The following GPC3 variants were observed in gnomAD, a reference collection of about 807,000 sequenced individuals.
GPC3 encodes the protein glypican 3, also known as glypican-3.
Under a neutral mutation model 34.4 loss-of-function variants are expected in GPC3, and 3 were observed. That is an observed-to-expected ratio of 0.09 (90% CI 0.04 to 0.23). The LOEUF is 0.23. Among genes scored for constraint, GPC3 ranks in the 10% least tolerant of loss-of-function variants. The pLI, the probability that GPC3 is intolerant of heterozygous loss-of-function variation, is 1.00. For missense variants in GPC3, 351 were observed against 445.6 expected, an observed-to-expected ratio of 0.79 and a Z score of 1.91; for synonymous variants, 177 against 174.0, an observed-to-expected ratio of 1.02 and a Z score of -0.13.
At chrX:133,957,952 G>A (rs1384074896) in intron 1 of GPC3, among the ~76,000 whole-genome samples, 1 of 111,257 alleles carries the variant, frequency 9.0e-6, no homozygotes. Context: ...CTATTCAAAT[G>A]AGCCAGAAAG....
chrX:133,672,983 C>A (rs1283334148), intron 5 of GPC3, among the ~76,000 whole-genome samples: 3 of 103,721 alleles, frequency 2.9e-5, no homozygotes, highest in Non-Finnish European at 5.8e-5. Flanking sequence ...GCTCTGTTGC[C>A]CAGGCTGGAG....
intron 2 of GPC3, among the ~76,000 whole-genome samples, chrX:133,867,178 A>T (rs1395107681): frequency 9.1e-6 from 1 of 109,389 alleles, no homozygotes; most frequent in East Asian, 2.9e-4. Context: ...AGCCTGGGTG[A>T]CAGAGCCAGA....
At chrX:133,635,236 A>G (rs1471600847) in intron 6 of GPC3, among the ~76,000 whole-genome samples, 1 of 111,509 alleles carries the variant, frequency 9.0e-6, no homozygotes, top group Non-Finnish European at 1.9e-5. Flanking sequence ...TAACTCTTTT[A>G]CCTATGCAAA....
chrX:133,678,234 G>T (rs1411631119), intron 5 of GPC3, among the ~76,000 whole-genome samples: 1 of 112,010 alleles, frequency 8.9e-6, no homozygotes, highest in East Asian at 2.8e-4. Flanking sequence ...TCCATAGAAT[G>T]GTTAGTTATT....
At chrX:133,649,405 C>G (rs12862989) in intron 6 of GPC3, among the ~76,000 whole-genome samples, 12,668 of 110,244 alleles carry the variant, frequency 0.11, 741 homozygotes, top group Non-Finnish European at 0.18. Context: ...GACCATTAGA[C>G]CAAGTAAAAG....
chrX:133,585,397 A>G (rs1406744309), intron 7 of GPC3, among the ~76,000 whole-genome samples: 1 of 110,906 alleles, frequency 9.0e-6, no homozygotes, highest in Non-Finnish European at 1.9e-5. Context: ...TGCAGCCACT[A>G]GGACTATCCA....
chrX:133,751,136 G>A (rs1233933307), intron 3 of GPC3, among the ~76,000 whole-genome samples: 1 of 108,314 alleles, frequency 9.2e-6, no homozygotes, highest in African/African-American at 3.3e-5. Context: ...AGCACCACAG[G>A]AGGATACTTG....
At chrX:133,666,304 C>A (rs1289008368) in intron 5 of GPC3, among the ~76,000 whole-genome samples, 1 of 112,119 alleles carries the variant, frequency 8.9e-6, no homozygotes, top group Non-Finnish European at 1.9e-5. Context: ...TAGAAGCTTG[C>A]CAAACTTTTT....
At chrX:133,956,300 T>C (rs1490516693) in intron 1 of GPC3, among the ~76,000 whole-genome samples, 2 of 112,616 alleles carry the variant, frequency 1.8e-5, no homozygotes, top group Non-Finnish European at 3.7e-5. Flanking sequence ...CTTAAAGCTT[T>C]ATGATTATCT....
chrX:133,865,417 G>A (rs1002865034), intron 2 of GPC3, among the ~76,000 whole-genome samples: 3 of 111,878 alleles, frequency 2.7e-5, no homozygotes, highest in African/African-American at 9.7e-5. Context: ...ATATTGGAAA[G>A]TCACAGGCAA....
intron 1 of GPC3, among the ~76,000 whole-genome samples, chrX:133,983,378 G>A (rs767029720): frequency 3.6e-5 from 4 of 112,336 alleles, no homozygotes; most frequent in Non-Finnish European, 7.5e-5. Flanking sequence ...AGGCCTCAAG[G>A]GAGGGAAGGA....
At chrX:133,859,886 C>G (rs2267510) in intron 2 of GPC3, among the ~76,000 whole-genome samples, 31,511 of 110,849 alleles carry the variant, frequency 0.28, 3,794 homozygotes, top group African/African-American at 0.44. Context: ...TCGGCTTCTG[C>G]AAGGGGACTT....
chrX:133,596,587 T>C lies in GPC3; in HGVS notation c.1426A>G (p.Met476Val), dbSNP rs200265913. The change falls in exon 7 of 8, where the codon ATG becomes GTG. Residue 476 changes from methionine (M) to valine (V), a missense_variant. Transcript: ENST00000370818. ...AGAACTCTACCTTTGGGCATAGACA[T>C]GGTTCTCAGGAGCTGAAAGAAAACA... ...LKHINQLLRT[M>V]SMPKGRVLDK... 2.2e-5 allele frequency: 26 copies of C among 1,209,296 alleles called. No individual in the cohort carries two copies. In the East Asian group the frequency reaches 5.0e-4, roughly 23 times the overall value.
intron 3 of GPC3, among the ~76,000 whole-genome samples, chrX:133,715,561 A>G (rs1275503802): frequency 9.0e-6 from 1 of 111,590 alleles, no homozygotes; most frequent in Admixed American, 9.5e-5. Context: ...ATGGTTACCT[A>G]AAATACCCCA....
chrX:133,857,835 G>T (rs997616548), intron 2 of GPC3, among the ~76,000 whole-genome samples: 11 of 112,452 alleles, frequency 9.8e-5, no homozygotes, highest in South Asian at 3.7e-4. Flanking sequence ...GGCAAGTACA[G>T]TCCACTAAGC....
At chrX:133,953,283 C>T (rs1192472461) in intron 1 of GPC3, 72 bp from the exon 2 acceptor site, 16 of 835,218 alleles carry the variant, frequency 1.9e-5, no homozygotes, top group Non-Finnish European at 2.7e-5. Context: ...CACACCACCC[C>T]CACCCCCTAC....
intron 6 of GPC3, among the ~76,000 whole-genome samples, chrX:133,637,179 C>G (rs1464576983): frequency 1.8e-5 from 2 of 111,632 alleles, no homozygotes; most frequent in Admixed American, 9.5e-5. Flanking sequence ...CTTTAAAAGG[C>G]AGCAGATGTG....
intron 1 of GPC3, 57 bp downstream of exon 1, chrX:133,985,218 C>T: frequency 1.7e-6 from 2 of 1,164,473 alleles, no homozygotes; most frequent in Non-Finnish European, 2.3e-6. Context: ...GGTACAGCCA[C>T]CACGCGCGCC....
At chrX:133,687,066 C>T (rs1384331478) in intron 5 of GPC3, among the ~76,000 whole-genome samples, 3 of 103,954 alleles carry the variant, frequency 2.9e-5, no homozygotes, top group East Asian at 6.1e-4. Context: ...GCTGGGATTA[C>T]GGGCACCTGC....
Sources: allele counts gnomAD v4.1 joint callset (sites outside exome capture counted in the v4.1 genomes callset), GRCh38; gene constraint gnomAD v4.1.1; transcripts MANE v1.5; gene names NCBI Gene and HGNC (gene_info 2026-07-23, HGNC 2026-07-21).